Variants in SS18L1 observed in about 807,000 individuals in gnomAD.
SS18L1 encodes calcium-responsive transactivator.
SS18L1 carries 32 observed loss-of-function variants against 70.3 expected under a neutral mutation model. The ratio of observed to expected loss-of-function variants is 0.46; its 90% CI spans 0.34 to 0.61. The LOEUF (loss-of-function observed/expected upper bound fraction) is 0.61. Ranked by LOEUF, SS18L1 falls within the 20% of genes least tolerant of loss-of-function variation. The pLI is 0.01. For synonymous variants in SS18L1, 237 were observed against 229.7 expected (o/e 1.03, Z -0.29); for missense variants, 430 against 542.1 (o/e 0.79, Z 2.05).
chr20:62,151,175 T>C (rs1196915066), intron 1 of SS18L1, among the ~76,000 whole-genome samples: 3 of 151,858 alleles, frequency 2.0e-5, no homozygotes, highest in Non-Finnish European at 4.4e-5. Flanking sequence ...CCCCAGCCCT[T>C]CCCCTACTCT....
chr20:62,175,278 T>C (rs2057602165), intron 10 of SS18L1: 2 of 985,236 alleles, frequency 2.0e-6, no homozygotes, highest in African/African-American at 1.7e-5. Context: ...CTCGGGACAG[T>C]GAGGAGGCCG....
intron 9 of SS18L1, among the ~76,000 whole-genome samples, chr20:62,173,922 G>A (rs6121940): frequency 0.016 from 2,467 of 152,022 alleles, 50 homozygotes; most frequent in African/African-American, 0.054. Context: ...GCTGAGGCAG[G>A]AGAATCACTT....
chr20:62,144,375 G>T (rs1355000485), intron 1 of SS18L1, among the ~76,000 whole-genome samples: 1 of 152,202 alleles, frequency 6.6e-6, no homozygotes, highest in East Asian at 1.9e-4. Context: ...TGAGGGGCCC[G>T]GGTCGGCCTC....
At chr20:62,166,817 CAA>C (rs1431605657) in intron 8 of SS18L1, among the ~76,000 whole-genome samples, 4 of 150,976 alleles carry the variant, frequency 2.6e-5, no homozygotes, top group Non-Finnish European at 4.4e-5. Context: ...CTGAGCTACT[CAA>C]GAGGCTGAGG....
intron 4 of SS18L1, 196 bp from the exon 5 acceptor site, chr20:62,162,556 G>A (rs1032062174): frequency 8.7e-5 from 49 of 561,292 alleles, no homozygotes; most frequent in Admixed American, 1.5e-4. Context: ...CACCCACCTC[G>A]GCCTCCCAAA....
chr20:62,162,066 A>G (rs2057340008), intron 4 of SS18L1, among the ~76,000 whole-genome samples: 1 of 152,144 alleles, frequency 6.6e-6, no homozygotes, highest in South Asian at 2.1e-4. Context: ...ACAAAAAATA[A>G]AAATATTAGC....
chr20:62,153,141 C>T (rs576032709), intron 1 of SS18L1, among the ~76,000 whole-genome samples: 23 of 152,280 alleles, frequency 1.5e-4, no homozygotes, highest in African/African-American at 5.1e-4. Context: ...GAAGGAGAAG[C>T]GCAAGCAGGG....
At chr20:62,149,134 C>T (rs886147703) in intron 1 of SS18L1, among the ~76,000 whole-genome samples, 2 of 152,264 alleles carry the variant, frequency 1.3e-5, no homozygotes, top group Non-Finnish European at 2.9e-5. Flanking sequence ...AATCCCCGGG[C>T]TGCAGGTGGT....
Position 62,163,442 on chromosome 20 carries a change from C to G in SS18L1, c.557-16C>G. 6.2e-7 allele frequency: 1 copy of G among 1,611,736 alleles called. No homozygotes were observed. The highest frequency in any genetic ancestry group is 8.5e-7 in the Non-Finnish European group (1 of 1,179,824). ...GGCTTCCCGGGGTGATGTGGGGCCT[C>G]TGTCCTGTCGTTCAGTCTCCATGAT... On this transcript the variant is annotated splice_polypyrimidine_tract_variant and intron_variant, in intron 5 of 10. Coordinates refer to ENST00000331758, the MANE Select transcript of SS18L1 (RefSeq NM_198935.3).
intron 1 of SS18L1, among the ~76,000 whole-genome samples, chr20:62,155,063 G>A (rs191552900): frequency 5.3e-5 from 8 of 152,246 alleles, no homozygotes; most frequent in Non-Finnish European, 1.0e-4. Context: ...TCACTGCACC[G>A]GCTGACTTTG....
chr20:62,152,330 TG>T (rs1190247782), intron 1 of SS18L1, among the ~76,000 whole-genome samples: 1 of 152,166 alleles, frequency 6.6e-6, no homozygotes, highest in Non-Finnish European at 1.5e-5. Flanking sequence ...TGCTCAGAGA[TG>T]GGATCTCACC....
At chr20:62,170,288 G>A (rs949311882) in intron 8 of SS18L1, among the ~76,000 whole-genome samples, 5 of 152,350 alleles carry the variant, frequency 3.3e-5, no homozygotes, top group Non-Finnish European at 5.9e-5. Context: ...GGCGGATCAC[G>A]AGGTCAGGAG....
Position 62,165,137 on chromosome 20 carries a change from G to A in SS18L1, c.824-285G>A, listed in dbSNP as rs2057403883. On this transcript the variant is annotated intron_variant, in intron 7 of 10. Transcript: ENST00000331758. ...TAGCGGTGGCGGGGAGAAGGCAGTC[G>A]GGTCACTAGCATGGCTGTGTGGCAG... is the stretch of plus-strand genomic sequence containing the variant. 2.6e-5 allele frequency among the ~76,000 whole-genome samples: 4 copies of A among 152,318 alleles called. No homozygotes were observed. The South Asian group carries it at 6.2e-4, about 24-fold the overall frequency.
Position 62,166,441 on chromosome 20 carries a change from T to A in SS18L1, c.916+927T>A, listed in dbSNP as rs978265675. 2.0e-5 allele frequency among the ~76,000 whole-genome samples: 3 copies of A among 152,196 alleles called. No individual in the cohort carries two copies. In the East Asian group the frequency reaches 5.8e-4, roughly 29 times the overall value. ...CTTGTTTGGGTTACTTCTTAAAGAA[T>A]TGGATGTGTAAAGGTTTTGCTTCTG... is the stretch of plus-strand genomic sequence containing the variant. On this transcript the variant is annotated intron_variant, in intron 8 of 10. Coordinates refer to ENST00000331758, the MANE Select transcript of SS18L1 (RefSeq NM_198935.3).
At position 62,164,213 on chromosome 20, in the gene SS18L1, G is replaced by C. The variant is rs369721048; in HGVS notation, c.790G>C (p.Ala264Pro). 25 of 1,549,676 alleles carry C rather than the reference G, an allele frequency of 1.6e-5. No homozygotes were observed. The highest frequency in any genetic ancestry group is 2.1e-5 in the Non-Finnish European group (24 of 1,146,682). ...GEQYSHSQGA[A>P]EPMGQQYYPD... ...GCAGTACAGCCACAGCCAGGGCGCCGCGGAGCCCATGGGCCAGCAGTACTA... is the reference window on the plus strand; with the variant it reads ...GCAGTACAGCCACAGCCAGGGCGCCCCGGAGCCCATGGGCCAGCAGTACTA... Residue 264 changes from alanine (A) to proline (P), a missense_variant, in exon 7 of 11, where the codon GCG (alanine) becomes CCG (proline). Physicochemically the swap from Ala to Pro is conservative, Grantham distance 27. Transcript: ENST00000331758.
At chr20:62,150,651 T>A (rs2057112613) in intron 1 of SS18L1, among the ~76,000 whole-genome samples, 1 of 135,434 alleles carries the variant, frequency 7.4e-6, no homozygotes, top group South Asian at 2.6e-4. Context: ...TTTTTTTTTT[T>A]TTTTTTTTTT....
At chr20:62,156,247 C>G (rs2057221332) in intron 1 of SS18L1, among the ~76,000 whole-genome samples, 1 of 152,166 alleles carries the variant, frequency 6.6e-6, no homozygotes, top group Non-Finnish European at 1.5e-5. Flanking sequence ...GGTTAGGAGT[C>G]AAGGAGGGGA....
chr20:62,167,345 GC>G (rs1426549444), intron 8 of SS18L1, among the ~76,000 whole-genome samples: 1 of 150,402 alleles, frequency 6.6e-6, no homozygotes. Flanking sequence ...GCCCGGCCGA[GC>G]TCAGGAGTTT....
In SS18L1 at chr20:62,181,029, G is replaced by A. The variant is rs1244152829; in HGVS notation, c.*1821G>A. On this transcript the variant is annotated 3_prime_UTR_variant, in exon 11 of 11. Transcript: ENST00000331758. ...GACAGCCCCTATGAGGAAATCTGGA[G>A]GCAGGTAACAGTTCCCATTTTAGAG... 5.3e-6 allele frequency: 1 copy of A among 187,804 alleles called. No homozygotes were observed. Among genetic ancestry groups the A allele is most frequent in the Admixed American group, 6.2e-5 (1 of 16,124 alleles). 11.6% of individuals were successfully genotyped at this position (187,804 alleles called of 1,614,324 possible).
Sources: allele counts gnomAD v4.1 joint callset (sites outside exome capture counted in the v4.1 genomes callset), GRCh38; gene constraint gnomAD v4.1.1; transcripts MANE v1.5; gene names NCBI Gene and HGNC (gene_info 2026-07-23, HGNC 2026-07-21).